The following PIK3CA variants were observed in gnomAD, a reference collection of about 807,000 sequenced individuals.
PIK3CA encodes the protein phosphatidylinositol-4,5-bisphosphate 3-kinase catalytic subunit alpha.
PIK3CA carries 27 observed loss-of-function variants against 138.2 expected under a neutral mutation model. The ratio of observed to expected loss-of-function variants is 0.20; its 90% CI spans 0.14 to 0.27. The LOEUF (loss-of-function observed/expected upper bound fraction) is 0.27, where lower values mean the gene tolerates loss of function less well. Ranked by LOEUF, PIK3CA falls within the 10% of genes least tolerant of loss-of-function variation. The probability of loss-of-function intolerance (pLI) is 1.00; values close to 1 mark genes in which losing one functional copy is unlikely to be tolerated. For synonymous variants in PIK3CA, 358 were observed against 413.2 expected, an observed-to-expected ratio of 0.87 and a Z score of 1.62; for missense variants, 544 against 1,277.4, an observed-to-expected ratio of 0.43 and a Z score of 8.75.
intron 20 of PIK3CA, among the ~76,000 whole-genome samples, chr3:179,231,933 G>C (rs899965176): frequency 3.3e-5 from 5 of 151,926 alleles, no homozygotes; most frequent in African/African-American, 1.2e-4. Context: ...TTGAGCCACT[G>C]CATCCTGCTT....
intron 18 of PIK3CA, 114 bp downstream of exon 18, chr3:179,229,556 G>GA (rs1725165650): frequency 6.2e-6 from 4 of 648,510 alleles, no homozygotes; most frequent in Non-Finnish European, 9.8e-6. Flanking sequence ...ACTTTCTATG[G>GA]AAAAAAATAT....
At chr3:179,208,769 A>G (rs1473515648) in intron 6 of PIK3CA, among the ~76,000 whole-genome samples, 1 of 151,900 alleles carries the variant, frequency 6.6e-6, no homozygotes, top group Non-Finnish European at 1.5e-5. Flanking sequence ...TTCCCTTATG[A>G]ATGTGAAGTT....
intron 1 of PIK3CA, among the ~76,000 whole-genome samples, chr3:179,165,173 C>T (rs1382929172): frequency 6.6e-6 from 1 of 152,082 alleles, no homozygotes; most frequent in Non-Finnish European, 1.5e-5. Context: ...ATGGAAGAGA[C>T]TGGGGGGAGA....
At chr3:179,193,243 ATC>A (rs1439197579) in intron 1 of PIK3CA, among the ~76,000 whole-genome samples, 1 of 152,148 alleles carries the variant, frequency 6.6e-6, no homozygotes, top group Admixed American at 6.5e-5. Context: ...GTAAACAAAA[ATC>A]TCTGATGATC....
chr3:179,199,524 C>T (rs1014573273), intron 2 of PIK3CA, among the ~76,000 whole-genome samples, 166 bp from the exon 3 acceptor site: 1 of 151,908 alleles, frequency 6.6e-6, no homozygotes, highest in African/African-American at 2.4e-5. Context: ...TCAGGACTGT[C>T]AACTTTTAAT....
chr3:179,233,829 A>G (rs903467420), intron 20 of PIK3CA, among the ~76,000 whole-genome samples: 3 of 152,170 alleles, frequency 2.0e-5, no homozygotes, highest in Admixed American at 1.3e-4. Context: ...CATACATTTA[A>G]TACTTATTAA....
intron 1 of PIK3CA, among the ~76,000 whole-genome samples, chr3:179,171,919 A>G (rs1286943928): frequency 6.6e-6 from 1 of 152,068 alleles, no homozygotes; most frequent in East Asian, 1.9e-4. Flanking sequence ...AGCCAACACA[A>G]AGGCATCCCA....
chr3:179,164,566 G>A (rs2108357541), intron 1 of PIK3CA, among the ~76,000 whole-genome samples: 1 of 152,202 alleles, frequency 6.6e-6, no homozygotes. Flanking sequence ...ACTTACCTAA[G>A]TTAGAAATTT....
intron 9 of PIK3CA, among the ~76,000 whole-genome samples, chr3:179,215,556 A>G (rs148404717): frequency 0.041 from 6,282 of 152,190 alleles, 138 homozygotes; most frequent in Non-Finnish European, 0.047. Context: ...TAAAAGAAGG[A>G]TAGAATAGCC....
intron 1 of PIK3CA, among the ~76,000 whole-genome samples, chr3:179,153,065 C>G (rs1259627695): frequency 6.6e-6 from 1 of 151,864 alleles, no homozygotes; most frequent in Admixed American, 6.6e-5. Context: ...TTGGTGAAGT[C>G]TCTGTTCACC....
intron 1 of PIK3CA, among the ~76,000 whole-genome samples, chr3:179,165,647 A>G (rs1157900163): frequency 6.6e-6 from 1 of 152,190 alleles, no homozygotes; most frequent in East Asian, 1.9e-4. Flanking sequence ...TTGGGATAAC[A>G]TGCAGTCTCA....
chr3:179,193,514 C>G (rs1371424362), intron 1 of PIK3CA, among the ~76,000 whole-genome samples: 1 of 152,184 alleles, frequency 6.6e-6, no homozygotes, highest in African/African-American at 2.4e-5. Flanking sequence ...AATGTACCCC[C>G]AAGTCTCCAC....
intron 16 of PIK3CA, among the ~76,000 whole-genome samples, chr3:179,225,217 G>A (rs767054192): frequency 6.6e-6 from 1 of 151,900 alleles, no homozygotes; most frequent in Non-Finnish European, 1.5e-5. Flanking sequence ...AGGCCCTGGG[G>A]TTTTAGCAGT....
At chr3:179,162,191 G>A (rs1723301087) in intron 1 of PIK3CA, among the ~76,000 whole-genome samples, 1 of 152,092 alleles carries the variant, frequency 6.6e-6, no homozygotes, top group Admixed American at 6.5e-5. Context: ...ATTTAAAAGT[G>A]TGAATTTATG....
At chr3:179,226,199 T>TACCTG (rs1553824731) in intron 17 of PIK3CA, among the ~76,000 whole-genome samples, 159 bp downstream of exon 17, 3 of 152,054 alleles carry the variant, frequency 2.0e-5, no homozygotes, top group Non-Finnish European at 4.4e-5. Context: ...ATCCTCCTCT[T>TACCTG]ACTTAGAATA....
intron 18 of PIK3CA, 49 bp from the exon 19 acceptor site, chr3:179,229,955 C>A (rs1402842323): frequency 8.0e-7 from 1 of 1,242,596 alleles, no homozygotes; most frequent in Non-Finnish European, 1.1e-6. Flanking sequence ...TCAAGTTGGC[C>A]TGAATCACTA....
chr3:179,166,765 G>A (rs764366805), intron 1 of PIK3CA, among the ~76,000 whole-genome samples: 2 of 152,132 alleles, frequency 1.3e-5, no homozygotes, highest in Non-Finnish European at 2.9e-5. Flanking sequence ...AGTTTCCAAA[G>A]TTTAGATGTG....
chr3:179,237,338 T>A lies in PIK3CA; in HGVS notation c.*2974T>A, dbSNP rs1390699377. On this transcript the variant is annotated 3_prime_UTR_variant, in exon 21 of 21. Transcript: ENST00000263967. The stretch of plus-strand genomic sequence containing the variant: ...AAAACTTAGTGTCAAAGTAATCAAC[T>A]TTGAGATTTTCCCTTCTATTCTGCT... 5 of 195,650 alleles carry A rather than the reference T, an allele frequency of 2.6e-5. No homozygotes were observed. Among genetic ancestry groups the A allele is most frequent in the Non-Finnish European group, 4.2e-5 (4 of 94,208 alleles). The allele number at this position is 195,650 out of a possible 1,614,324, so 12.1% of individuals were successfully genotyped here. A position where few individuals can be genotyped will look rare whatever the true frequency, so the allele number is the denominator to read the frequency against.
chr3:179,233,455 G>A, intron 20 of PIK3CA: 1 of 395,068 alleles, frequency 2.5e-6, no homozygotes, highest in Non-Finnish European at 4.5e-6. Flanking sequence ...ATGCTGTGAA[G>A]GAAAATGGAA....
Sources: allele counts gnomAD v4.1 joint callset (sites outside exome capture counted in the v4.1 genomes callset), GRCh38; gene constraint gnomAD v4.1.1; transcripts MANE v1.5; gene names NCBI Gene and HGNC (gene_info 2026-07-23, HGNC 2026-07-21).